FARS2: variants seen among roughly 807,000 people sequenced by gnomAD.
FARS2 encodes the protein phenylalanyl-tRNA synthetase 2, mitochondrial, also known as phenylalanine--tRNA ligase, mitochondrial.
A neutral mutation model predicts 46.4 loss-of-function variants in FARS2; 40 were observed. The observed-to-expected ratio is 0.86, with a 90% CI of 0.67 to 1.12. The LOEUF (loss-of-function observed/expected upper bound fraction) is 1.12. FARS2 is among the 50% of genes most tolerant of loss of function. FARS2 has a pLI of 0.00. For missense variants in FARS2, 513 were observed against 567.9 expected, an observed-to-expected ratio of 0.90 and a Z score of 0.98; for synonymous variants, 234 against 214.9, an observed-to-expected ratio of 1.09 and a Z score of -0.78.
intron 5 of FARS2, among the ~76,000 whole-genome samples, chr6:5,596,967 C>G (rs1352511000): frequency 6.6e-6 from 1 of 152,326 alleles, no homozygotes; most frequent in East Asian, 1.9e-4. Context: ...TCGTGACACC[C>G]TGTGGGATAG....
intron 6 of FARS2, among the ~76,000 whole-genome samples, chr6:5,704,613 A>T (rs1758631635): frequency 6.6e-6 from 1 of 152,220 alleles, no homozygotes; most frequent in East Asian, 1.9e-4. Context: ...ATCAGTTCAA[A>T]GTGGTTCATT....
In FARS2 at chr6:5,466,883, T is replaced by G. The variant is rs1038944043; in HGVS notation, c.904+35711T>G. Reference sequence around the variant, plus strand: ...CATGCTGGCTCTTCTATGGATTCCTTGAACCCATGAGCACATGGGCACCTC... The same window carrying G: ...CATGCTGGCTCTTCTATGGATTCCTGGAACCCATGAGCACATGGGCACCTC... On this transcript the variant is annotated intron_variant, in intron 4 of 6. Transcript: ENST00000274680. 5.1e-6 allele frequency: 5 copies of G among 985,300 alleles called. No homozygotes were observed. In the African/African-American group the frequency reaches 8.7e-5, roughly 17 times the overall value. The allele number at this position is 985,300 out of a possible 1,614,324, so 61.0% of individuals were successfully genotyped here. A position where few individuals can be genotyped will look rare whatever the true frequency, so the allele number is the denominator to read the frequency against.
intron 6 of FARS2, among the ~76,000 whole-genome samples, chr6:5,686,338 GCT>G (rs1292900964): frequency 4.0e-5 from 6 of 149,098 alleles, no homozygotes; most frequent in African/African-American, 1.6e-4. Context: ...ATCTCCTAAT[GCT>G]CTCCCCCCCC....
intron 4 of FARS2, among the ~76,000 whole-genome samples, chr6:5,516,882 T>C (rs1768830757): frequency 6.6e-6 from 1 of 152,230 alleles, no homozygotes; most frequent in Non-Finnish European, 1.5e-5. Flanking sequence ...ATCTTGTGAA[T>C]TCAGTGAAGA....
Position 5,762,319 on chromosome 6 carries a change from A to G in FARS2, c.1218-8972A>G, listed in dbSNP as rs1279004621. Among the ~76,000 whole-genome samples, 4 of 152,258 alleles carry G rather than the reference A, an allele frequency of 2.6e-5. No individual in the cohort carries two copies. The East Asian group carries it at 7.7e-4, about 29-fold the overall frequency. ...ATATTTTAGAAGGAGAACCTGGACT[A>G]GAAATTAAGAACTAGCCCAAGACTC... On this transcript the variant is annotated intron_variant, in intron 6 of 6. Coordinates refer to ENST00000274680, the MANE Select transcript of FARS2 (RefSeq NM_006567.5).
chr6:5,581,176 A>G (rs113726676), intron 5 of FARS2, among the ~76,000 whole-genome samples: 154 of 152,342 alleles, frequency 1.0e-3, no homozygotes, highest in African/African-American at 3.5e-3. Context: ...AGAGCCTGGT[A>G]TGTGCCCAGC....
At chr6:5,324,328 TG>T (rs1278420752) in intron 1 of FARS2, among the ~76,000 whole-genome samples, 3 of 152,212 alleles carry the variant, frequency 2.0e-5, no homozygotes, top group Non-Finnish European at 4.4e-5. Flanking sequence ...GGGATTTTTT[TG>T]TTTGTTTTGC....
chr6:5,636,511 G>C (rs1292255164), intron 6 of FARS2, among the ~76,000 whole-genome samples: 2 of 152,234 alleles, frequency 1.3e-5, no homozygotes, highest in Non-Finnish European at 2.9e-5. Context: ...AATTGGCAAT[G>C]ATAGAGGTAG....
chr6:5,677,456 C>T (rs1778822839), intron 6 of FARS2, among the ~76,000 whole-genome samples: 1 of 152,226 alleles, frequency 6.6e-6, no homozygotes, highest in East Asian at 1.9e-4. Context: ...AATCAAATTC[C>T]TCTGGCTAGA....
At chr6:5,268,958 A>G (rs1765747011) in intron 1 of FARS2, among the ~76,000 whole-genome samples, 1 of 152,190 alleles carries the variant, frequency 6.6e-6, no homozygotes, top group African/African-American at 2.4e-5. Flanking sequence ...AGAACTAGAA[A>G]TACCATTTCA....
Position 5,270,656 on chromosome 6 carries a change from C to T in FARS2, c.-22+8996C>T, listed in dbSNP as rs150749241. On this transcript the variant is annotated intron_variant, in intron 1 of 6. Coordinates refer to ENST00000274680, the MANE Select transcript of FARS2 (RefSeq NM_006567.5). ...TGAATTAATGTCACCACACTATAGA[C>T]AGTAATTTTTATATCACCTTCTCTC... 4.5e-4 allele frequency among the ~76,000 whole-genome samples: 68 copies of T among 152,238 alleles called. 1 individual carries two copies. The highest frequency in any genetic ancestry group is 1.6e-3 in the African/African-American group (66 of 41,558).
chr6:5,646,232 G>A (rs1777066761), intron 6 of FARS2, among the ~76,000 whole-genome samples: 1 of 152,148 alleles, frequency 6.6e-6, no homozygotes, highest in Admixed American at 6.5e-5. Context: ...TACTCCCATG[G>A]CCTCTCACTG....
At chr6:5,621,292 C>T (rs1582606458) in intron 6 of FARS2, among the ~76,000 whole-genome samples, 1 of 151,300 alleles carries the variant, frequency 6.6e-6, no homozygotes, top group Non-Finnish European at 1.5e-5. Context: ...GGTCTTGCTT[C>T]GTTGCCCAGG....
intron 6 of FARS2, among the ~76,000 whole-genome samples, chr6:5,637,624 G>T (rs1776607914): frequency 6.6e-6 from 1 of 152,222 alleles, no homozygotes; most frequent in South Asian, 2.1e-4. Flanking sequence ...GAAGACTTAT[G>T]TATGAATTTG....
At chr6:5,725,971 A>G (rs1256282548) in intron 6 of FARS2, among the ~76,000 whole-genome samples, 2 of 152,022 alleles carry the variant, frequency 1.3e-5, no homozygotes, top group African/African-American at 4.8e-5. Context: ...TATTATAATC[A>G]CCACCATTGT....
chr6:5,360,373 G>T (rs1385156963), intron 1 of FARS2, among the ~76,000 whole-genome samples: 1 of 152,172 alleles, frequency 6.6e-6, no homozygotes, highest in Non-Finnish European at 1.5e-5. Flanking sequence ...ACAATCAAAT[G>T]AATGGCTCCT....
chr6:5,562,693 T>TACAC (rs1491167694), intron 5 of FARS2, among the ~76,000 whole-genome samples: 2 of 99,366 alleles, frequency 2.0e-5, no homozygotes, highest in African/African-American at 9.8e-5. Context: ...CACTGTAATT[T>TACAC]ATACACACAC....
intron 5 of FARS2, among the ~76,000 whole-genome samples, chr6:5,560,864 C>T (rs979020226): frequency 1.8e-4 from 27 of 152,156 alleles, no homozygotes; most frequent in African/African-American, 6.3e-4. Context: ...CGCTGTGGCT[C>T]ACGCCTGTAA....
At chr6:5,731,540 C>A (rs1375250707) in intron 6 of FARS2, among the ~76,000 whole-genome samples, 1 of 152,180 alleles carries the variant, frequency 6.6e-6, no homozygotes, top group Non-Finnish European at 1.5e-5. Flanking sequence ...TTTTCACACA[C>A]CGGAGTATGG....
Sources: allele counts gnomAD v4.1 joint callset (sites outside exome capture counted in the v4.1 genomes callset), GRCh38; gene constraint gnomAD v4.1.1; transcripts MANE v1.5; gene names NCBI Gene and HGNC (gene_info 2026-07-23, HGNC 2026-07-21).